Variants in DIAPH2 observed in about 807,000 individuals in gnomAD.
DIAPH2 encodes the protein diaphanous related formin 2, also known as protein diaphanous homolog 2.
In DIAPH2, 35 loss-of-function variants were observed where a neutral mutation model predicts 92.7. The ratio of observed to expected loss-of-function variants is 0.38; its 90% CI spans 0.29 to 0.50. DIAPH2 has a LOEUF of 0.50. Among genes scored for constraint, DIAPH2 ranks in the 20% least tolerant of loss-of-function variants. DIAPH2 has a pLI of 0.94. For synonymous variants in DIAPH2, 301 were observed against 280.4 expected (o/e 1.07, Z -0.73); for missense variants, 701 against 819.5 (o/e 0.86, Z 1.77).
At chrX:96,852,789 A>G (rs1358150212) in intron 4 of DIAPH2, among the ~76,000 whole-genome samples, 1 of 112,159 alleles carries the variant, frequency 8.9e-6, no homozygotes, top group Non-Finnish European at 1.9e-5. Context: ...AAATTCTGCT[A>G]ATTGATCCTT....
At chrX:96,977,797 C>T (rs1312747568) in intron 17 of DIAPH2, among the ~76,000 whole-genome samples, 1 of 110,751 alleles carries the variant, frequency 9.0e-6, no homozygotes, top group Non-Finnish European at 1.9e-5. Flanking sequence ...AGTTCTCCTG[C>T]CTCACCCACC....
chrX:97,335,302 T>A lies in DIAPH2; in HGVS notation c.2845-12814T>A, dbSNP rs193222241. Among the ~76,000 whole-genome samples, 457 of 112,028 alleles carry A rather than the reference T, an allele frequency of 4.1e-3. 2 individuals carry two copies. Among genetic ancestry groups the A allele is most frequent in the Non-Finnish European group, 6.9e-3 (367 of 53,218 alleles). ...CTTATCGTCTCCTAACACTAGTTTA[T>A]AAATTCAGTGAGGGTTAGGAACCAT... is the stretch of plus-strand genomic sequence containing the variant. On this transcript the variant is annotated intron_variant, in intron 23 of 26. Coordinates refer to ENST00000324765, the MANE Select transcript of DIAPH2 (RefSeq NM_006729.5).
intron 22 of DIAPH2, among the ~76,000 whole-genome samples, chrX:97,177,709 T>TAAAAAAA (rs11314858): frequency 1.2e-5 from 1 of 86,649 alleles, no homozygotes. Flanking sequence ...AAAGCCTACT[T>TAAAAAAA]AAAAAAAAAA....
At chrX:97,429,203 C>G (rs758815904) in intron 25 of DIAPH2, among the ~76,000 whole-genome samples, 1 of 112,080 alleles carries the variant, frequency 8.9e-6, no homozygotes, top group African/African-American at 3.2e-5. Flanking sequence ...AAGATAATCG[C>G]AGATGATGGT....
intron 26 of DIAPH2, among the ~76,000 whole-genome samples, chrX:97,530,942 T>C (rs758470673): frequency 9.0e-6 from 1 of 111,043 alleles, no homozygotes; most frequent in South Asian, 3.9e-4. Context: ...TACTAAGAAG[T>C]CCTTTGGGTT....
chrX:97,283,244 C>T (rs1379768710), intron 23 of DIAPH2, among the ~76,000 whole-genome samples: 1 of 111,752 alleles, frequency 8.9e-6, no homozygotes, highest in Non-Finnish European at 1.9e-5. Context: ...TTGTGGTTGT[C>T]ACAAACACAT....
chrX:97,061,696 C>A (rs1205963976), intron 17 of DIAPH2, among the ~76,000 whole-genome samples: 1 of 108,060 alleles, frequency 9.3e-6, no homozygotes, highest in Non-Finnish European at 1.9e-5. Context: ...CGCCTGTAAT[C>A]CCAGCTACTC....
intron 23 of DIAPH2, among the ~76,000 whole-genome samples, chrX:97,272,990 T>C (rs759652235): frequency 4.5e-5 from 5 of 110,973 alleles, no homozygotes; most frequent in Non-Finnish European, 7.6e-5. Context: ...ACCCAGTCTG[T>C]ACTAAAAATA....
intron 4 of DIAPH2, among the ~76,000 whole-genome samples, chrX:96,781,256 A>T (rs923659879): frequency 7.2e-5 from 8 of 111,797 alleles, no homozygotes; most frequent in African/African-American, 2.6e-4. Flanking sequence ...ACTAAACTAT[A>T]AATCGTGGAC....
intron 4 of DIAPH2, among the ~76,000 whole-genome samples, chrX:96,843,789 G>A (rs1393214866): frequency 8.9e-6 from 1 of 111,903 alleles, no homozygotes; most frequent in East Asian, 2.8e-4. Flanking sequence ...ATGCATGCTG[G>A]TGGAAGATTA....
intron 4 of DIAPH2, among the ~76,000 whole-genome samples, chrX:96,797,335 G>A (rs961021417): frequency 1.7e-4 from 19 of 111,185 alleles, no homozygotes; most frequent in African/African-American, 5.6e-4. Flanking sequence ...ACAAAAATTA[G>A]CAAGGCATGG....
chrX:97,599,316 G>T lies in DIAPH2; in HGVS notation c.3305G>T (p.Ter1102LeuextTer12). ...SRHNGAISSK[*>L] is the part of the protein sequence containing the mutation. ...CACAATGGAGCTATCTCATCTAAGTGATTCCTGATGCCAAAGAATATGAAA... is the reference window on the plus strand; with the variant it reads ...CACAATGGAGCTATCTCATCTAAGTTATTCCTGATGCCAAAGAATATGAAA... Residue 1102 changes from the stop codon to leucine, a stop_lost, in exon 27 of 27, where the codon TGA (stop) becomes TTA (leucine). Transcript: ENST00000324765. 8.6e-7 allele frequency: 1 copy of T among 1,164,086 alleles called. No individual in the cohort carries two copies. The highest frequency in any genetic ancestry group is 1.9e-5 in the South Asian group (1 of 54,047).
chrX:97,255,539 A>G (rs1394291248), intron 23 of DIAPH2, among the ~76,000 whole-genome samples: 1 of 111,998 alleles, frequency 8.9e-6, no homozygotes, highest in East Asian at 2.8e-4. Context: ...GCCTGTAACA[A>G]TGCTTTATAG....
chrX:96,959,186 T>A (rs1227018943), intron 16 of DIAPH2, among the ~76,000 whole-genome samples: 1 of 111,829 alleles, frequency 8.9e-6, no homozygotes, highest in African/African-American at 3.2e-5. Flanking sequence ...CTATTATTTA[T>A]ATTTTTGAGA....
chrX:97,263,900 TTTTATTTATTTATTTA>T (rs10644882), intron 23 of DIAPH2, among the ~76,000 whole-genome samples: 5 of 93,992 alleles, frequency 5.3e-5, no homozygotes, highest in Non-Finnish European at 8.5e-5. Flanking sequence ...ACTGTTAGTT[TTTTATTTATTTATTTA>T]TTTATTTATT....
At chrX:97,522,457 C>T (rs905148441) in intron 26 of DIAPH2, among the ~76,000 whole-genome samples, 2 of 112,391 alleles carry the variant, frequency 1.8e-5, no homozygotes, top group African/African-American at 6.5e-5. Context: ...CCCAGACTTT[C>T]AAGTTTCATA....
chrX:96,993,226 G>T (rs1385425759), intron 17 of DIAPH2, among the ~76,000 whole-genome samples: 1 of 111,398 alleles, frequency 9.0e-6, no homozygotes, highest in East Asian at 2.8e-4. Flanking sequence ...TGACTTTTTG[G>T]GAGAGAGTTT....
chrX:96,881,599 A>G lies in DIAPH2; in HGVS notation c.468A>G (p.Lys156=). 2.5e-6 allele frequency: 3 copies of G among 1,205,805 alleles called. No homozygotes were observed. Among genetic ancestry groups the G allele is most frequent in the South Asian group, 3.6e-5 (2 of 55,608 alleles). Residue 156 remains lysine, a synonymous_variant, in exon 5 of 27, where the codon AAA becomes AAG. Transcript: ENST00000324765. ...TATAGGGTGGGCTGAAAAACAGCAAACATGAATGCACCCTGTCTTCACAAG... is the reference window on the plus strand; with the variant it reads ...TATAGGGTGGGCTGAAAAACAGCAAGCATGAATGCACCCTGTCTTCACAAG... ...TAKSGGLKNS[K]HECTLSSQEY...
At chrX:97,438,346 TTTTTG>T (rs1235612997) in intron 26 of DIAPH2, among the ~76,000 whole-genome samples, 2 of 94,803 alleles carry the variant, frequency 2.1e-5, no homozygotes. Flanking sequence ...TTGTTTTTTT[TTTTTG>T]TTTGTTTGTT....
Sources: gnomAD v4.1 joint callset for allele counts (sites outside exome capture counted in the v4.1 genomes callset) on GRCh38, gnomAD v4.1.1 for gene constraint, MANE v1.5 for transcripts, NCBI Gene and HGNC (gene_info 2026-07-23, HGNC 2026-07-21) for gene names.